MDGA2: variants seen among roughly 807,000 people sequenced by gnomAD.
MDGA2 encodes the protein MAM domain-containing glycosylphosphatidylinositol anchor protein 2.
Under a neutral mutation model 117.8 loss-of-function variants are expected in MDGA2, and 40 were observed. The ratio of observed to expected loss-of-function variants is 0.34; its 90% CI spans 0.26 to 0.44. MDGA2 has a LOEUF of 0.44. MDGA2 is among the 20% of genes least tolerant of loss of function. The pLI, the probability that MDGA2 is intolerant of heterozygous loss-of-function variation, is 1.00. For synonymous variants in MDGA2, 452 were observed against 439.0 expected (o/e 1.03, Z -0.37); for missense variants, 1,123 against 1,250.6 (o/e 0.90, Z 1.54).
At chr14:47,508,834 T>C (rs1180068314) in intron 1 of MDGA2, among the ~76,000 whole-genome samples, 3 of 151,590 alleles carry the variant, frequency 2.0e-5, no homozygotes, top group African/African-American at 7.3e-5. Flanking sequence ...CACCCACCAC[T>C]ATGCCCGGCT....
At chr14:47,192,626 A>C (rs1885157014) in intron 3 of MDGA2, among the ~76,000 whole-genome samples, 2 of 152,128 alleles carry the variant, frequency 1.3e-5, no homozygotes, top group South Asian at 4.1e-4. Context: ...CTCAAAAATA[A>C]AATAAATAAA....
intron 9 of MDGA2, among the ~76,000 whole-genome samples, chr14:46,921,292 C>A (rs1259527465): frequency 2.0e-5 from 3 of 151,940 alleles, no homozygotes; most frequent in Non-Finnish European, 4.4e-5. Flanking sequence ...AACATCTTTT[C>A]TTTTTTTCTT....
intron 8 of MDGA2, chr14:46,997,206 G>C (rs1887327573): frequency 6.3e-6 from 1 of 157,980 alleles, no homozygotes; most frequent in African/African-American, 2.4e-5. Context: ...ATTGGGTATT[G>C]GAGATATTTT....
At chr14:47,138,457 A>G (rs1882562047) in intron 4 of MDGA2, among the ~76,000 whole-genome samples, 1 of 152,100 alleles carries the variant, frequency 6.6e-6, no homozygotes, top group African/African-American at 2.4e-5. Context: ...AGACTAATGG[A>G]AAGTGAATTT....
At chr14:47,285,932 A>C (rs1888654870) in intron 2 of MDGA2, among the ~76,000 whole-genome samples, 1 of 152,102 alleles carries the variant, frequency 6.6e-6, no homozygotes, top group Non-Finnish European at 1.5e-5. Flanking sequence ...ATGCCATTTG[A>C]CTGAAAAGTA....
intron 8 of MDGA2, among the ~76,000 whole-genome samples, chr14:46,970,149 A>C (rs917889116): frequency 6.6e-6 from 1 of 151,906 alleles, no homozygotes; most frequent in Non-Finnish European, 1.5e-5. Context: ...GATTCAAAGC[A>C]GTCCTTACAA....
chr14:46,933,253 G>C (rs1311576952), intron 9 of MDGA2, among the ~76,000 whole-genome samples: 2 of 151,824 alleles, frequency 1.3e-5, no homozygotes, highest in Non-Finnish European at 2.9e-5. Flanking sequence ...AAAATCAAGA[G>C]ACTTTACTCA....
At chr14:47,585,498 A>G (rs557780354) in intron 1 of MDGA2, among the ~76,000 whole-genome samples, 2 of 152,076 alleles carry the variant, frequency 1.3e-5, no homozygotes, top group South Asian at 4.1e-4. Flanking sequence ...TTAAATGAGA[A>G]TACAAACACA....
intron 1 of MDGA2, among the ~76,000 whole-genome samples, chr14:47,593,066 C>T (rs973179455): frequency 6.6e-6 from 1 of 151,860 alleles, no homozygotes; most frequent in Non-Finnish European, 1.5e-5. Flanking sequence ...TAATAGTGGG[C>T]AAAGGATATG....
chr14:46,990,443 T>C (rs1264424104), intron 8 of MDGA2, among the ~76,000 whole-genome samples: 1 of 152,040 alleles, frequency 6.6e-6, no homozygotes, highest in Non-Finnish European at 1.5e-5. Context: ...TCTATTCTCC[T>C]CTTGAAAATC....
intron 1 of MDGA2, among the ~76,000 whole-genome samples, chr14:47,415,961 A>G (rs959817231): frequency 1.3e-5 from 2 of 152,144 alleles, no homozygotes; most frequent in Non-Finnish European, 2.9e-5. Context: ...CTTCATGTTT[A>G]GGATTTCGAG....
chr14:47,256,233 G>A (rs976340060), intron 2 of MDGA2, among the ~76,000 whole-genome samples: 2 of 151,802 alleles, frequency 1.3e-5, no homozygotes, highest in Non-Finnish European at 2.9e-5. Context: ...GTATGTGTGG[G>A]AGACTACTGA....
At chr14:47,556,754 T>C (rs991897919) in intron 1 of MDGA2, among the ~76,000 whole-genome samples, 1 of 152,368 alleles carries the variant, frequency 6.6e-6, no homozygotes, top group South Asian at 2.1e-4. Flanking sequence ...GTTGCTATTA[T>C]AGCTCTATGG....
At chr14:47,537,312 G>A (rs11623245) in intron 1 of MDGA2, among the ~76,000 whole-genome samples, 31,131 of 111,300 alleles carry the variant, frequency 0.28, 4,769 homozygotes, top group South Asian at 0.57. Context: ...GTTGTCGGGT[G>A]GGGGGAGGGG....
Position 47,035,139 on chromosome 14 carries a change from C to T in MDGA2, c.1691G>A (p.Ser564Asn). 4.3e-6 allele frequency: 7 copies of T among 1,614,120 alleles called. No homozygotes were observed. The highest frequency in any genetic ancestry group is 5.9e-6 in the Non-Finnish European group (7 of 1,180,008). Residue 564 changes from serine (S) to asparagine (N), a missense_variant, in exon 8 of 17, where the codon AGT becomes AAT. Around this residue, in one of 2 missense-constraint regions of MDGA2, gnomAD observed 890 missense variants for 1,050.3 expected, o/e 0.85. Transcript: ENST00000399232. ...CACAATCCTCAGTGTTCCATCATAA[C>T]TCTCCATTTGCATTGATCCATCAGG... The part of the protein sequence containing the change: ...AMPDGSMQME[S>N]YDGTLRIVNV...
chr14:47,197,454 C>G (rs1885327604), intron 3 of MDGA2, among the ~76,000 whole-genome samples: 1 of 152,018 alleles, frequency 6.6e-6, no homozygotes, highest in Non-Finnish European at 1.5e-5. Flanking sequence ...GCACCCTGAT[C>G]TGGATTTCCC....
intron 7 of MDGA2, among the ~76,000 whole-genome samples, chr14:47,045,458 T>G (rs1386756200): frequency 6.6e-6 from 1 of 152,196 alleles, no homozygotes; most frequent in Non-Finnish European, 1.5e-5. Context: ...TCTCACATAC[T>G]AAAATACATA....
At chr14:47,320,841 T>A (rs1177688389) in intron 1 of MDGA2, among the ~76,000 whole-genome samples, 1 of 152,164 alleles carries the variant, frequency 6.6e-6, no homozygotes, top group Non-Finnish European at 1.5e-5. Flanking sequence ...GATTTAAGAA[T>A]GCTTTGAGTA....
intron 3 of MDGA2, among the ~76,000 whole-genome samples, chr14:47,151,210 C>T (rs1883150623): frequency 6.6e-6 from 1 of 152,180 alleles, no homozygotes; most frequent in South Asian, 2.1e-4. Flanking sequence ...GCATTACTTC[C>T]AAATAGGTCA....
Sources: allele counts gnomAD v4.1 joint callset (sites outside exome capture counted in the v4.1 genomes callset), GRCh38; gene constraint gnomAD v4.1.1; regional missense constraint gnomAD v4.1.1; transcripts MANE v1.5; gene names NCBI Gene and HGNC (gene_info 2026-07-23, HGNC 2026-07-21).